ADAM7: variants seen among roughly 807,000 people sequenced by gnomAD.
ADAM7 encodes disintegrin and metalloproteinase domain-containing protein 7.
ADAM7 carries 97 observed loss-of-function variants against 102.9 expected under a neutral mutation model. The ratio of observed to expected loss-of-function variants is 0.94; its 90% CI spans 0.80 to 1.12. The LOEUF is 1.12. Among genes scored for constraint, ADAM7 ranks in the 50% most tolerant of loss-of-function variants. The probability of loss-of-function intolerance (pLI) is 0.00; values close to 1 mark genes in which losing one functional copy is unlikely to be tolerated. For missense variants in ADAM7, 991 were observed against 908.7 expected, an observed-to-expected ratio of 1.09 and a Z score of -1.16; for synonymous variants, 334 against 304.4, an observed-to-expected ratio of 1.10 and a Z score of -1.01.
chr8:24,483,796 T>A (rs1254624583), intron 9 of ADAM7, among the ~76,000 whole-genome samples: 1 of 152,204 alleles, frequency 6.6e-6, no homozygotes, highest in Non-Finnish European at 1.5e-5. Flanking sequence ...ATGTATTTTT[T>A]AATACTTAAT....
chr8:24,454,331 G>A (rs1299219746), intron 3 of ADAM7, among the ~76,000 whole-genome samples: 1 of 152,224 alleles, frequency 6.6e-6, no homozygotes, highest in Non-Finnish European at 1.5e-5. Flanking sequence ...TGGCTGCTTT[G>A]TTTACCTAAG....
chr8:24,450,681 A>G (rs966895666), intron 3 of ADAM7, among the ~76,000 whole-genome samples: 11 of 151,910 alleles, frequency 7.2e-5, no homozygotes, highest in African/African-American at 2.7e-4. Flanking sequence ...AACTTCCAAC[A>G]CTATGTTGAA....
chr8:24,498,079 C>T (rs1563396330), intron 16 of ADAM7, among the ~76,000 whole-genome samples: 1 of 151,642 alleles, frequency 6.6e-6, no homozygotes, highest in African/African-American at 2.4e-5. Context: ...GAACGTATTC[C>T]AGCCAAGAGA....
chr8:24,452,832 G>T (rs976887981), intron 3 of ADAM7, among the ~76,000 whole-genome samples: 9 of 151,140 alleles, frequency 6.0e-5, no homozygotes, highest in African/African-American at 1.7e-4. Flanking sequence ...AGGAGCTCTT[G>T]TAGGGCAGGC....
chr8:24,506,117 C>G, intron 20 of ADAM7: 3 of 1,550,090 alleles, frequency 1.9e-6, no homozygotes, highest in Non-Finnish European at 2.6e-6. Context: ...CCTTGGAAAG[C>G]CTGCCCACTA....
chr8:24,506,753 GCACACACACA>G (rs71549838), intron 20 of ADAM7, among the ~76,000 whole-genome samples: 789 of 144,290 alleles, frequency 5.5e-3, no homozygotes, highest in African/African-American at 0.014. Context: ...CTGAGTCAAA[GCACACACACA>G]CACACACACA....
chr8:24,499,128 A>G (rs1820659456), intron 16 of ADAM7, 108 bp from the exon 17 acceptor site: 1 of 775,086 alleles, frequency 1.3e-6, no homozygotes, highest in Non-Finnish European at 2.0e-6. Flanking sequence ...GAAATTTTTC[A>G]TATGTAAATT....
intron 20 of ADAM7, among the ~76,000 whole-genome samples, chr8:24,503,432 T>C (rs752133212): frequency 1.3e-5 from 2 of 151,874 alleles, no homozygotes; most frequent in Non-Finnish European, 2.9e-5. Context: ...TTGGAGGGAG[T>C]GTAAATTAGT....
At chr8:24,477,331 C>A (rs977828497) in intron 8 of ADAM7, among the ~76,000 whole-genome samples, 3 of 152,136 alleles carry the variant, frequency 2.0e-5, no homozygotes, top group Non-Finnish European at 2.9e-5. Context: ...GCTCTTCCTC[C>A]TTGACAATGG....
chr8:24,451,903 A>G (rs1313374776), intron 3 of ADAM7, among the ~76,000 whole-genome samples: 19 of 150,760 alleles, frequency 1.3e-4, no homozygotes, highest in African/African-American at 3.2e-4. Flanking sequence ...TCATTTCATT[A>G]TGTACCCAGT....
chr8:24,451,275 G>A (rs1193559613), intron 3 of ADAM7, among the ~76,000 whole-genome samples: 2 of 151,978 alleles, frequency 1.3e-5, no homozygotes, highest in Non-Finnish European at 2.9e-5. Context: ...GAATCCATCT[G>A]GTCCTCGACT....
chr8:24,451,825 G>T (rs1047679736), intron 3 of ADAM7, among the ~76,000 whole-genome samples: 252 of 149,758 alleles, frequency 1.7e-3, no homozygotes, highest in African/African-American at 5.9e-3. Flanking sequence ...CTTTGAATGC[G>T]TCCCAGAGAT....
rs1377421209 is a variant in ADAM7 at position 24,447,172 on chromosome 8, C to T, written c.157-14C>T. The T allele has an allele frequency of 2.7e-6, 4 of 1,502,222 alleles. 1 individual carries two copies. The highest frequency in any genetic ancestry group is 2.5e-5 in the South Asian group (2 of 81,496). 93.1% of individuals were successfully genotyped at this position (1,502,222 alleles called of 1,614,324 possible). On this transcript the variant is annotated splice_polypyrimidine_tract_variant and intron_variant, in intron 2 of 21. Transcript: ENST00000175238. ...AGCCCATGTTGAAGTCACGTGATGC[C>T]TCTTCTTTTTTAGAAAACGTATGAA...
chr8:24,490,857 G>A lies in ADAM7; in HGVS notation c.1325G>A (p.Cys442Tyr), dbSNP rs1163819995. Residue 442 changes from cysteine (C) to tyrosine (Y), a missense_variant, in exon 13 of 22, where the codon TGT becomes TAT. Transcript: ENST00000175238. ...HTCVLKPGFT[C>Y]AEGECCESCQ... ...TGTGTACTGAAGCCAGGATTTACTT[G>A]TGCAGAAGGAGAATGCTGTGAATCT... is the stretch of plus-strand genomic sequence containing the variant. 1 of 1,613,572 alleles carries A rather than the reference G, an allele frequency of 6.2e-7. No homozygotes were observed. Among genetic ancestry groups the A allele is most frequent in the African/African-American group, 1.3e-5 (1 of 74,856 alleles).
chr8:24,449,513 A>T (rs1818697799), intron 3 of ADAM7, among the ~76,000 whole-genome samples: 1 of 151,862 alleles, frequency 6.6e-6, no homozygotes, highest in African/African-American at 2.4e-5. Context: ...TTTTTCTTGT[A>T]AATTTGTTTG....
At chr8:24,493,360 A>G in intron 16 of ADAM7, 131 bp downstream of exon 16, 1 of 793,552 alleles carries the variant, frequency 1.3e-6, no homozygotes, top group East Asian at 3.1e-5. Context: ...TATTTTTTTA[A>G]TGAGGAGCAG....
chr8:24,486,913 G>A (rs1325823189), intron 10 of ADAM7, among the ~76,000 whole-genome samples: 1 of 152,086 alleles, frequency 6.6e-6, no homozygotes, highest in Non-Finnish European at 1.5e-5. Flanking sequence ...ATAAGAATGA[G>A]CTTCTATAAA....
chr8:24,442,688 G>A (rs1818416205), intron 2 of ADAM7, 112 bp downstream of exon 2: 6 of 838,958 alleles, frequency 7.2e-6, no homozygotes, highest in Middle Eastern at 4.7e-4. Context: ...ATTTTTCTAA[G>A]GACTCCCATT....
intron 7 of ADAM7, among the ~76,000 whole-genome samples, chr8:24,474,237 G>T (rs1489965556): frequency 6.6e-6 from 1 of 152,090 alleles, no homozygotes; most frequent in Admixed American, 6.6e-5. Flanking sequence ...AAATTAGTAA[G>T]TTCTAAGCAC....
Sources: gnomAD v4.1 joint callset for allele counts (sites outside exome capture counted in the v4.1 genomes callset) on GRCh38, gnomAD v4.1.1 for gene constraint, MANE v1.5 for transcripts, NCBI Gene and HGNC (gene_info 2026-07-23, HGNC 2026-07-21) for gene names.